Variants in CDK13 observed in about 807,000 individuals in gnomAD.
The protein encoded by CDK13 is cyclin dependent kinase 13.
Under a neutral mutation model 137.6 loss-of-function variants are expected in CDK13, and 40 were observed. The observed-to-expected ratio is 0.29, with a 90% CI of 0.23 to 0.38. CDK13 has a LOEUF of 0.38. Among genes scored for constraint, CDK13 ranks in the 10% least tolerant of loss-of-function variants. The probability of loss-of-function intolerance (pLI) is 1.00; values close to 1 mark genes in which losing one functional copy is unlikely to be tolerated. For missense variants in CDK13, 1,704 were observed against 1,951.8 expected (o/e 0.87, Z 2.39); for synonymous variants, 869 against 760.1 (o/e 1.14, Z -2.36).
chr7:39,960,762 A>G (rs1019571970), intron 1 of CDK13, among the ~76,000 whole-genome samples: 5 of 151,040 alleles, frequency 3.3e-5, no homozygotes, highest in African/African-American at 9.7e-5. Context: ...TTTAGTAGAG[A>G]TGAGGTTTTG....
chr7:39,986,907 C>A (rs900164041), intron 1 of CDK13: 2 of 152,130 alleles, frequency 1.3e-5, no homozygotes, highest in African/African-American at 4.8e-5. Context: ...CCTGCCCTAG[C>A]CTCCTGAGTG....
intron 9 of CDK13, chr7:40,069,950 C>T (rs1298001537): frequency 1.3e-5 from 2 of 151,440 alleles, no homozygotes; most frequent in Non-Finnish European, 2.9e-5. Context: ...CACAGTGGCT[C>T]ATGCCTGTAA....
intron 1 of CDK13, among the ~76,000 whole-genome samples, chr7:39,968,099 C>T (rs1783912965): frequency 1.3e-5 from 2 of 152,094 alleles, no homozygotes; most frequent in Non-Finnish European, 2.9e-5. Context: ...TATTTTCTTT[C>T]TGTTGATTTG....
At chr7:39,998,874 C>T (rs1178762278) in intron 3 of CDK13, 2 of 150,456 alleles carry the variant, frequency 1.3e-5, no homozygotes, top group African/African-American at 2.4e-5. Flanking sequence ...TGATGTTTTT[C>T]AGATGATTTC....
At chr7:40,019,639 A>G (rs1785072040) in intron 5 of CDK13, among the ~76,000 whole-genome samples, 3 of 152,198 alleles carry the variant, frequency 2.0e-5, no homozygotes, top group Admixed American at 1.3e-4. Context: ...TATGTAAGAA[A>G]TACCTTCATA....
chr7:40,079,580 T>G (rs548522173), intron 11 of CDK13, among the ~76,000 whole-genome samples: 18 of 152,312 alleles, frequency 1.2e-4, no homozygotes, highest in South Asian at 2.1e-4. Context: ...GGTATTAGTA[T>G]TATTATCATC....
At chr7:40,090,228 G>A (rs1189112763) in intron 12 of CDK13, among the ~76,000 whole-genome samples, 4 of 152,168 alleles carry the variant, frequency 2.6e-5, no homozygotes, top group African/African-American at 7.2e-5. Context: ...TCTACCAAAC[G>A]TAGTAGTTTA....
Position 39,950,322 on chromosome 7 carries a change from T to G in CDK13, c.-320T>G. ...CCGCTCCCCCACCCCCGGGGGCACT[T>G]GGAGGACTCGGGACTCCCCCGCAGG... On this transcript the variant is annotated 5_prime_UTR_variant, in exon 1 of 14. Coordinates refer to ENST00000181839, the MANE Select transcript of CDK13 (RefSeq NM_003718.5). 1.8e-6 allele frequency: 2 copies of G among 1,126,602 alleles called. No homozygotes were observed. The highest frequency in any genetic ancestry group is 3.7e-4 in the Middle Eastern group (1 of 2,728). 69.8% of individuals were successfully genotyped at this position (1,126,602 alleles called of 1,614,324 possible).
At chr7:40,047,012 CA>C (rs398040131) in intron 6 of CDK13, among the ~76,000 whole-genome samples, 2,939 of 65,850 alleles carry the variant, frequency 0.045, 49 homozygotes, top group African/African-American at 0.15. Flanking sequence ...GACTCGGTCT[CA>C]AAAAAAAAAA....
chr7:39,994,060 G>A (rs1784514088), intron 2 of CDK13, among the ~76,000 whole-genome samples: 1 of 151,964 alleles, frequency 6.6e-6, no homozygotes, highest in African/African-American at 2.4e-5. Context: ...ATTCTGTGCT[G>A]GATTTTCCTT....
chr7:40,023,365 A>G (rs1411850167), intron 5 of CDK13, among the ~76,000 whole-genome samples: 1 of 151,972 alleles, frequency 6.6e-6, no homozygotes, highest in Non-Finnish European at 1.5e-5. Context: ...GTGCCCTGCA[A>G]ACTTCTGATT....
intron 9 of CDK13, chr7:40,072,766 A>G (rs1786451199): frequency 1.3e-5 from 2 of 152,234 alleles, no homozygotes; most frequent in South Asian, 2.1e-4. Context: ...ACAGCATTAC[A>G]TTGAAATAAT....
At chr7:40,003,375 T>A (rs1337841108) in intron 5 of CDK13, among the ~76,000 whole-genome samples, 1 of 152,170 alleles carries the variant, frequency 6.6e-6, no homozygotes, top group Non-Finnish European at 1.5e-5. Flanking sequence ...TAGTAAAGCT[T>A]TCATTTCTCA....
Position 40,094,953 on chromosome 7 carries a change from A to AGC in CDK13, c.4513_4514insCG (p.Gly1505AlafsTer39). ...GACATATTAGCACATCAACTGGCAG[A>AGC]GGCAGAGGCAGAGGGTTACCATACT... is the stretch of plus-strand genomic sequence containing the variant. On this transcript the variant is annotated frameshift_variant, in exon 14 of 14. Transcript: ENST00000181839. LOFTEE classifies it high-confidence loss of function. The AGC allele has an allele frequency of 7.0e-7, 1 of 1,426,626 alleles. No individual in the cohort carries two copies. Among genetic ancestry groups the AGC allele is most frequent in the East Asian group, 2.5e-5 (1 of 40,230 alleles). 88.4% of individuals were successfully genotyped at this position (1,426,626 alleles called of 1,614,324 possible). A position where few individuals can be genotyped will look rare whatever the true frequency, so the allele number is the denominator to read the frequency against.
chr7:40,042,662 A>T (rs758366577), intron 5 of CDK13, among the ~76,000 whole-genome samples: 2 of 136,440 alleles, frequency 1.5e-5, no homozygotes, highest in Non-Finnish European at 3.0e-5. Flanking sequence ...GTATTTTAGC[A>T]GAGACGGGGT....
At position 40,001,724 on chromosome 7, in the gene CDK13, A is replaced by T. The variant is rs1289557566; in HGVS notation, c.2183-137A>T. 7.3e-6 allele frequency: 5 copies of T among 687,712 alleles called. No individual in the cohort carries two copies. The Admixed American group carries it at 1.2e-4, about 17-fold the overall frequency. 42.6% of individuals were successfully genotyped at this position (687,712 alleles called of 1,614,324 possible). On this transcript the variant is annotated intron_variant, in intron 4 of 13. Coordinates refer to ENST00000181839, the MANE Select transcript of CDK13 (RefSeq NM_003718.5). ...TTGAACTATAAATATTATTTGGTAT[A>T]TTGGAAACTGAAACATACTTTGTGG...
At position 39,988,158 on chromosome 7, in the gene CDK13, A is replaced by T. The variant is rs778536763; in HGVS notation, c.1771A>T (p.Ile591Leu). 1.2e-6 allele frequency: 2 copies of T among 1,614,036 alleles called. No individual in the cohort carries two copies. Among genetic ancestry groups the T allele is most frequent in the Non-Finnish European group, 1.7e-6 (2 of 1,180,036 alleles). The change falls in exon 2 of 14, where the codon ATA (isoleucine) becomes TTA (leucine). Residue 591 changes from isoleucine to leucine, a missense_variant. By Grantham distance (5) the Ile-to-Leu change is conservative. This residue lies in a region of CDK13 where 1,051 missense variants were observed against 931.0 expected (regional missense o/e 1.13). Coordinates refer to ENST00000181839, the MANE Select transcript of CDK13 (RefSeq NM_003718.5). ...GAAAACCAAACCACTTACACCAAGC[A>T]TAGGAGCCAAGGAGAAGGAGCAACA... ...KEKTKPLTPS[I>L]GAKEKEQHVA...
chr7:39,957,090 C>CATGTGT (rs956436477), intron 1 of CDK13, among the ~76,000 whole-genome samples: 2 of 140,934 alleles, frequency 1.4e-5, no homozygotes, highest in African/African-American at 5.3e-5. Context: ...ATCCCACTGT[C>CATGTGT]GTGTGTGTGT....
chr7:40,044,323 T>G (rs900508494), intron 5 of CDK13, among the ~76,000 whole-genome samples: 2 of 152,008 alleles, frequency 1.3e-5, no homozygotes, highest in Non-Finnish European at 2.9e-5. Context: ...TTTGCTTTTT[T>G]TTTTTTCTTC....
Sources: gnomAD v4.1 joint callset for allele counts (sites outside exome capture counted in the v4.1 genomes callset) on GRCh38, gnomAD v4.1.1 for gene constraint, gnomAD v4.1.1 regional missense constraint, MANE v1.5 for transcripts, NCBI Gene and HGNC (gene_info 2026-07-23, HGNC 2026-07-21) for gene names.